CPLX4: variants seen among roughly 807,000 people sequenced by gnomAD.
CPLX4 encodes the protein complexin 4.
Under a neutral mutation model 16.1 loss-of-function variants are expected in CPLX4, and 17 were observed. That is an observed-to-expected ratio of 1.06 (90% confidence interval 0.72 to 1.59). The LOEUF (loss-of-function observed/expected upper bound fraction) is 1.59. CPLX4 is among the 40% of genes most tolerant of loss of function. The probability of loss-of-function intolerance (pLI) is 0.00; values close to 1 mark genes in which losing one functional copy is unlikely to be tolerated. For synonymous variants in CPLX4, 55 were observed against 57.8 expected (o/e 0.95, Z 0.22); for missense variants, 193 against 192.9 (o/e 1.00, Z 0.00).
intron 2 of CPLX4, among the ~76,000 whole-genome samples, chr18:59,310,403 T>G (rs2070608917): frequency 6.6e-6 from 1 of 152,200 alleles, no homozygotes; most frequent in South Asian, 2.1e-4. Context: ...AGAATTATTT[T>G]TCTTGGAAGA....
rs2070500788 is a variant in CPLX4 at position 59,296,386 on chromosome 18, C to T, written c.*312G>A. 2 of 349,054 alleles carry T rather than the reference C, an allele frequency of 5.7e-6. No individual in the cohort carries two copies. The highest frequency in any genetic ancestry group is 3.1e-5 in the South Asian group (1 of 31,942). The allele number at this position is 349,054 out of a possible 1,614,324, so 21.6% of individuals were successfully genotyped here. A position where few individuals can be genotyped will look rare whatever the true frequency, so the allele number is the denominator to read the frequency against. On this transcript the variant is annotated 3_prime_UTR_variant, in exon 3 of 3. Transcript: ENST00000299721. ...AGGAAGAAAGTTGGAGAGGAAATGC[C>T]CCTTGCTTTTGTTTCTTCCTGGCTC...
chr18:59,311,858 A>T (rs1382420557), intron 2 of CPLX4, among the ~76,000 whole-genome samples: 11 of 152,032 alleles, frequency 7.2e-5, no homozygotes, highest in Admixed American at 7.2e-4. Flanking sequence ...GAGACCAACG[A>T]CTCACTCGAC....
chr18:59,301,965 T>C (rs1257422535), intron 2 of CPLX4, among the ~76,000 whole-genome samples: 3 of 152,194 alleles, frequency 2.0e-5, no homozygotes. Context: ...TGGTTATGAA[T>C]ATTTTAGAGG....
Position 59,318,367 on chromosome 18 carries a change from A to G in CPLX4, c.96T>C (p.Ser32=), listed in dbSNP as rs1375483055. The G allele has an allele frequency of 1.2e-6, 2 of 1,613,862 alleles. No individual in the cohort carries two copies. The highest frequency in any genetic ancestry group is 1.3e-5 in the African/African-American group (1 of 74,908). The change falls in exon 1 of 3, where the codon TCT becomes TCC. Residue 32 remains serine (S), a synonymous_variant. Coordinates refer to ENST00000299721, the MANE Select transcript of CPLX4 (RefSeq NM_181654.4). The stretch of plus-strand genomic sequence containing the variant: ...TCATCCCTTGAGCTGCTGCAGGATC[A>G]GATGCACCTCCTTCTTCTTTATTTT... The part of the protein sequence containing the change: ...SEENKEEGGA[S]DPAAAQGMTR...
intron 2 of CPLX4, among the ~76,000 whole-genome samples, chr18:59,301,315 G>A (rs1471429411): frequency 6.6e-6 from 1 of 152,052 alleles, no homozygotes; most frequent in Non-Finnish European, 1.5e-5. Flanking sequence ...CTAGAAGAGA[G>A]ACCAAGAGAG....
chr18:59,300,828 G>C (rs576050684), intron 2 of CPLX4, among the ~76,000 whole-genome samples: 1 of 152,170 alleles, frequency 6.6e-6, no homozygotes, highest in Non-Finnish European at 1.5e-5. Context: ...CTCTGACCTA[G>C]CAATGACTCC....
At chr18:59,309,822 CAAA>C (rs369580193) in intron 2 of CPLX4, among the ~76,000 whole-genome samples, 87 of 87,002 alleles carry the variant, frequency 1.0e-3, no homozygotes, top group African/African-American at 3.4e-3. Context: ...GACTCTGTGT[CAAA>C]AAAAAAAAAA....
Position 59,295,643 on chromosome 18 carries a change from T to C in CPLX4, c.*1055A>G, listed in dbSNP as rs2070494286. 1 of 151,782 alleles carries C rather than the reference T, an allele frequency of 6.6e-6. No homozygotes were observed. 9.4% of individuals were successfully genotyped at this position (151,782 alleles called of 1,614,324 possible). On this transcript the variant is annotated 3_prime_UTR_variant, in exon 3 of 3. Coordinates refer to ENST00000299721, the MANE Select transcript of CPLX4 (RefSeq NM_181654.4). Reference sequence around the variant, plus strand: ...TAAATAGCTCGAAGTGTTTCAGTGGTAATTGTCCTAAGTCTTTTGAATTAT... The same window carrying C: ...TAAATAGCTCGAAGTGTTTCAGTGGCAATTGTCCTAAGTCTTTTGAATTAT...
intron 2 of CPLX4, among the ~76,000 whole-genome samples, chr18:59,297,985 G>A (rs1410303633): frequency 2.0e-5 from 3 of 152,156 alleles, no homozygotes; most frequent in South Asian, 2.1e-4. Context: ...TCTAGCCTTC[G>A]GTGTTGCTGA....
intron 2 of CPLX4, among the ~76,000 whole-genome samples, chr18:59,304,500 T>C (rs750823022): frequency 6.6e-6 from 1 of 152,246 alleles, no homozygotes; most frequent in Non-Finnish European, 1.5e-5. Context: ...TTTCATAAAA[T>C]TGTATTTTAC....
chr18:59,299,133 A>C (rs1038675178), intron 2 of CPLX4, among the ~76,000 whole-genome samples: 1 of 152,222 alleles, frequency 6.6e-6, no homozygotes, highest in African/African-American at 2.4e-5. Context: ...TTAATTAGTT[A>C]GTTAATCCTT....
At chr18:59,313,055 C>T (rs938313969) in intron 1 of CPLX4, among the ~76,000 whole-genome samples, 5 of 152,216 alleles carry the variant, frequency 3.3e-5, no homozygotes, top group Admixed American at 1.3e-4. Flanking sequence ...TGGAGTTTTC[C>T]GTGGACTGTT....
At chr18:59,298,348 C>G (rs1029832416) in intron 2 of CPLX4, among the ~76,000 whole-genome samples, 1 of 152,154 alleles carries the variant, frequency 6.6e-6, no homozygotes. Flanking sequence ...TTAACAGTAG[C>G]TTACATCCCC....
intron 2 of CPLX4, among the ~76,000 whole-genome samples, chr18:59,303,378 T>A (rs920882013): frequency 6.6e-6 from 1 of 152,206 alleles, no homozygotes; most frequent in Non-Finnish European, 1.5e-5. Context: ...CTTTCCCTTA[T>A]GAAGACATTC....
chr18:59,308,636 G>T (rs1443028128), intron 2 of CPLX4, among the ~76,000 whole-genome samples: 4 of 151,702 alleles, frequency 2.6e-5, no homozygotes, highest in African/African-American at 7.3e-5. Flanking sequence ...GCCTCCCGCG[G>T]GTGCCAGTGG....
intron 1 of CPLX4, among the ~76,000 whole-genome samples, chr18:59,316,865 C>T (rs922364306): frequency 2.0e-5 from 3 of 152,068 alleles, no homozygotes; most frequent in Non-Finnish European, 1.5e-5. Flanking sequence ...TTTTCATTAG[C>T]CTACTTGATC....
At chr18:59,312,011 C>A (rs559062978) in intron 2 of CPLX4, among the ~76,000 whole-genome samples, 1 of 152,130 alleles carries the variant, frequency 6.6e-6, no homozygotes, top group South Asian at 2.1e-4. Flanking sequence ...AAATCAGGAC[C>A]GTGGGCTCTA....
In CPLX4 at chr18:59,312,749, G is replaced by A. The variant is rs202223771; in HGVS notation, c.191C>T (p.Thr64Ile). 19 of 1,428,472 alleles carry A rather than the reference G, an allele frequency of 1.3e-5. No homozygotes were observed. The highest frequency in any genetic ancestry group is 1.3e-4 in the South Asian group (11 of 87,088). The allele number at this position is 1,428,472 out of a possible 1,614,324, so 88.5% of individuals were successfully genotyped here. ...EEKMERDAAF[T>I]QKKAERACLR... ...GCATGCCCTTTCTGCCTTTTTCTGTGTAAATGCAGCATCTCTTTCCATCCT... is the reference window on the plus strand; with the variant it reads ...GCATGCCCTTTCTGCCTTTTTCTGTATAAATGCAGCATCTCTTTCCATCCT... The change falls in exon 2 of 3, where the codon ACA becomes ATA. Residue 64 changes from threonine to isoleucine, a missense_variant. Transcript: ENST00000299721.
At chr18:59,307,791 G>T (rs187777745) in intron 2 of CPLX4, among the ~76,000 whole-genome samples, 186 of 134,058 alleles carry the variant, frequency 1.4e-3, no homozygotes, top group Non-Finnish European at 2.1e-3. Flanking sequence ...TTGCTCTGTC[G>T]CCCAGGCTGG....
Sources: allele counts gnomAD v4.1 joint callset (sites outside exome capture counted in the v4.1 genomes callset), GRCh38; gene constraint gnomAD v4.1.1; transcripts MANE v1.5; gene names NCBI Gene and HGNC (gene_info 2026-07-23, HGNC 2026-07-21).